Variants in THBS4 observed in about 807,000 individuals in gnomAD.
THBS4 encodes thrombospondin-4.
Under a neutral mutation model 115.7 loss-of-function variants are expected in THBS4, and 90 were observed. The ratio of observed to expected loss-of-function variants is 0.78; its 90% CI spans 0.66 to 0.93. THBS4 has a LOEUF of 0.93. THBS4 is among the 40% of genes least tolerant of loss of function. The pLI is 0.00. For missense variants in THBS4, 1,087 were observed against 1,232.7 expected (o/e 0.88, Z 1.77); for synonymous variants, 460 against 479.3 (o/e 0.96, Z 0.53).
exon 1 of THBS4, chr5:79,991,408 A>G (rs944197986): frequency 5.0e-6 from 3 of 596,126 alleles, no homozygotes; most frequent in African/African-American, 3.8e-5. Flanking sequence ...AGCTTGGCCT[A>G]AAGGGTAAGA....
intron 9 of THBS4, among the ~76,000 whole-genome samples, chr5:80,066,056 C>A (rs1319503972): frequency 6.9e-6 from 1 of 145,698 alleles, no homozygotes; most frequent in African/African-American, 2.6e-5. Flanking sequence ...GATCGCACCA[C>A]TGCACTCCAG....
In THBS4 at chr5:80,059,860, C is replaced by T. The variant is rs267600710; in HGVS notation, c.942C>T (p.Pro314=). The stretch of plus-strand genomic sequence containing the variant: ...ATGGCTTCCAGTGTGGGCCCTGCCC[C>T]GAGGGCTACACAGGAAACGGGATCA... ...SRDGFQCGPC[P]EGYTGNGITC... Residue 314 remains proline (P), a synonymous_variant, in exon 7 of 22, where the codon CCC becomes CCT. Transcript: ENST00000350881. 8.7e-6 allele frequency: 14 copies of T among 1,614,024 alleles called. No individual in the cohort carries two copies. The highest frequency in any genetic ancestry group is 1.6e-4 in the Middle Eastern group (1 of 6,084).
At chr5:80,054,733 C>T (rs1031406200) in intron 2 of THBS4, among the ~76,000 whole-genome samples, 1 of 152,008 alleles carries the variant, frequency 6.6e-6, no homozygotes, top group African/African-American at 2.4e-5. Context: ...CCAAAGTGCT[C>T]GGATTACAGG....
chr5:80,012,845 TC>T (rs1315151653), intron 2 of THBS4, among the ~76,000 whole-genome samples: 1 of 152,210 alleles, frequency 6.6e-6, no homozygotes, highest in Non-Finnish European at 1.5e-5. Flanking sequence ...CATTCTATCT[TC>T]AGATTAAAGT....
chr5:80,005,330 G>A (rs114760587), intron 2 of THBS4, among the ~76,000 whole-genome samples: 255 of 152,204 alleles, frequency 1.7e-3, no homozygotes, highest in Non-Finnish European at 2.8e-3. Flanking sequence ...AGGTTTAGCC[G>A]CTTGTTATTT....
intron 2 of THBS4, chr5:80,053,140 G>A (rs1462883322): frequency 6.6e-6 from 1 of 151,894 alleles, no homozygotes; most frequent in Non-Finnish European, 1.5e-5. Flanking sequence ...AGGTATGTAT[G>A]TATACATATA....
chr5:80,077,897 C>G lies in THBS4; in HGVS notation c.2087-152C>G, dbSNP rs982438673. 1.4e-5 allele frequency: 9 copies of G among 625,804 alleles called. No individual in the cohort carries two copies. The South Asian group carries it at 2.6e-4, about 18-fold the overall frequency. 38.8% of individuals were successfully genotyped at this position (625,804 alleles called of 1,614,324 possible). On this transcript the variant is annotated intron_variant, in intron 16 of 21. Transcript: ENST00000350881. ...GGCCTGGCACCAGCTCAGACATGTCCCCAGGGCTCCTCTCCCAACACTGAT... is the reference window on the plus strand; with the variant it reads ...GGCCTGGCACCAGCTCAGACATGTCGCCAGGGCTCCTCTCCCAACACTGAT...
rs1255190133 is a variant in THBS4 at position 80,082,514 on chromosome 5, C to T, written c.2793C>T (p.Ile931=). 6.2e-7 allele frequency: 1 copy of T among 1,614,238 alleles called. No homozygotes were observed. The highest frequency in any genetic ancestry group is 8.5e-7 in the Non-Finnish European group (1 of 1,180,046). The part of the protein sequence containing the change: ...LGVFCFSQEN[I]IWSNLKYRCN... ...TTTTCTGCTTCTCTCAAGAAAACAT[C>T]ATCTGGTCCAACCTCAAGTATCGCT... Residue 931 remains isoleucine (I), a synonymous_variant, in exon 21 of 22, where the codon ATC becomes ATT. Coordinates refer to ENST00000350881, the MANE Select transcript of THBS4 (RefSeq NM_003248.6).
At chr5:79,998,198 A>AG (rs1831833489) in intron 1 of THBS4, 1 of 152,120 alleles carries the variant, frequency 6.6e-6, no homozygotes, top group African/African-American at 2.4e-5. Context: ...CTGTTGGAGG[A>AG]GGGGCCTAAT....
At chr5:79,997,030 G>GT (rs201267378) in intron 1 of THBS4, among the ~76,000 whole-genome samples, 2,645 of 138,766 alleles carry the variant, frequency 0.019, 27 homozygotes, top group African/African-American at 0.027. Flanking sequence ...AATCAAAATA[G>GT]TTTTTTTTTT....
At chr5:80,073,025 C>T (rs753118695) in intron 14 of THBS4, among the ~76,000 whole-genome samples, 1 of 152,220 alleles carries the variant, frequency 6.6e-6, no homozygotes, top group African/African-American at 2.4e-5. Flanking sequence ...GCTACCCCAG[C>T]GCCCCTTTCC....
At chr5:80,016,960 C>T (rs565107216) in intron 2 of THBS4, among the ~76,000 whole-genome samples, 12 of 152,126 alleles carry the variant, frequency 7.9e-5, no homozygotes, top group Non-Finnish European at 1.6e-4. Context: ...ATTTATTGAT[C>T]CATTCAATTA....
chr5:80,043,542 T>C (rs753988498), intron 2 of THBS4, among the ~76,000 whole-genome samples: 7 of 152,156 alleles, frequency 4.6e-5, no homozygotes, highest in Non-Finnish European at 8.8e-5. Context: ...CTCTACTGAC[T>C]TAAAACACCT....
At chr5:80,001,602 G>A (rs1831899720) in intron 2 of THBS4, among the ~76,000 whole-genome samples, 1 of 152,232 alleles carries the variant, frequency 6.6e-6, no homozygotes, top group African/African-American at 2.4e-5. Flanking sequence ...AACAGTGTCA[G>A]TGAAGCACTC....
chr5:80,045,501 C>T (rs542281894), intron 2 of THBS4, among the ~76,000 whole-genome samples: 154 of 150,530 alleles, frequency 1.0e-3, no homozygotes, highest in African/African-American at 3.6e-3. Flanking sequence ...AATGAGGGGC[C>T]TCAAACATTA....
rs1398885149 is a variant in THBS4 at position 80,073,260 on chromosome 5, C to T, written c.1840-15C>T. On this transcript the variant is annotated splice_polypyrimidine_tract_variant and intron_variant, in intron 14 of 21. Coordinates refer to ENST00000350881, the MANE Select transcript of THBS4 (RefSeq NM_003248.6). ...CAGGCCCAGGAATAAATAACATGTG[C>T]TGTTCTCTTTGCAGTCTGATGTGGA... The T allele has an allele frequency of 1.2e-6, 2 of 1,613,678 alleles. No homozygotes were observed. The highest frequency in any genetic ancestry group is 8.5e-7 in the Non-Finnish European group (1 of 1,179,668).
At chr5:80,032,402 C>T (rs1832603071), upstream of THBS4, among the ~76,000 whole-genome samples, 1 of 152,188 alleles carries the variant, frequency 6.6e-6, no homozygotes, top group South Asian at 2.1e-4. Flanking sequence ...GTGTATTAGT[C>T]AGAGTTCTCT....
intron 2 of THBS4, among the ~76,000 whole-genome samples, chr5:80,051,520 T>C (rs1253119806): frequency 6.6e-6 from 1 of 152,212 alleles, no homozygotes; most frequent in Non-Finnish European, 1.5e-5. Flanking sequence ...CTTCCCTGCG[T>C]TTTCTTTTGC....
chr5:80,071,223 A>T, intron 13 of THBS4, 43 bp downstream of exon 13: 3 of 1,544,044 alleles, frequency 1.9e-6, no homozygotes, highest in Non-Finnish European at 2.6e-6. Context: ...AATTCAGTTG[A>T]CCTTGTTCCA....
Sources: allele counts gnomAD v4.1 joint callset (sites outside exome capture counted in the v4.1 genomes callset), GRCh38; gene constraint gnomAD v4.1.1; transcripts MANE v1.5; gene names NCBI Gene and HGNC (gene_info 2026-07-23, HGNC 2026-07-21).